Variants in PUS7L observed in about 807,000 individuals in gnomAD.
The protein encoded by PUS7L is pseudouridine synthase 7 like.
Under a neutral mutation model 51.1 loss-of-function variants are expected in PUS7L, and 49 were observed. The ratio of observed to expected loss-of-function variants is 0.96; its 90% CI spans 0.76 to 1.22. The LOEUF (loss-of-function observed/expected upper bound fraction) is 1.22. Ranked by LOEUF, PUS7L falls within the 50% of genes most tolerant of loss-of-function variation. PUS7L has a pLI of 0.00. For synonymous variants in PUS7L, 277 were observed against 276.2 expected, an observed-to-expected ratio of 1.00 and a Z score of -0.03; for missense variants, 828 against 820.6, an observed-to-expected ratio of 1.01 and a Z score of -0.11.
At chr12:43,730,752 C>A in intron 8 of PUS7L, 50 bp from the exon 9 acceptor site, 1 of 1,226,956 alleles carries the variant, frequency 8.2e-7, no homozygotes, top group African/African-American at 1.5e-5. Context: ...CAAAAAGATA[C>A]ATGATCATAT....
chr12:43,743,639 T>A (rs1287278509), intron 4 of PUS7L, among the ~76,000 whole-genome samples: 1 of 152,024 alleles, frequency 6.6e-6, no homozygotes, highest in East Asian at 1.9e-4. Context: ...GGCGGGCACC[T>A]GTAGTCCCAG....
Position 43,723,855 on chromosome 12 carries a change from T to C in PUS7L, c.*6521A>G, listed in dbSNP as rs1592152149. ...GCCCTAAACTTTAAACTAGTTATCC[T>C]AGCTGCCATTGGTGCCATTAAAATC... is the stretch of plus-strand genomic sequence containing the variant. On this transcript the variant is annotated 3_prime_UTR_variant, in exon 9 of 9. Transcript: ENST00000344862. The C allele has an allele frequency of 6.6e-6, 1 of 152,134 alleles. No homozygotes were observed. The highest frequency in any genetic ancestry group is 1.9e-4 in the East Asian group (1 of 5,204). The allele number at this position is 152,134 out of a possible 1,614,324, so 9.4% of individuals were successfully genotyped here. A position where few individuals can be genotyped will look rare whatever the true frequency, so the allele number is the denominator to read the frequency against.
rs748437502 is a variant in PUS7L at position 43,730,387 on chromosome 12, G to C, written c.2095C>G (p.His699Asp). 1 of 1,612,788 alleles carries C rather than the reference G, an allele frequency of 6.2e-7. No homozygotes were observed. Among genetic ancestry groups the C allele is most frequent in the Admixed American group, 1.7e-5 (1 of 59,944 alleles). The change falls in exon 9 of 9, where the codon CAT becomes GAT. Residue 699 changes from histidine to aspartate, a missense_variant. Transcript: ENST00000344862. Reference protein sequence around the residue: ...ATVCLKEIMKHDV With the variant: ...ATVCLKEIMKDDV ...CAAGGGTATCAGTTTTAAACGTCATGCTTCATTATTTCCTTCAGACAAACG... is the reference window on the plus strand; with the variant it reads ...CAAGGGTATCAGTTTTAAACGTCATCCTTCATTATTTCCTTCAGACAAACG...
At chr12:43,736,940 T>C (rs979132131) in intron 6 of PUS7L, among the ~76,000 whole-genome samples, 3 of 149,258 alleles carry the variant, frequency 2.0e-5, no homozygotes, top group African/African-American at 2.5e-5. Flanking sequence ...AGAGATAATC[T>C]AATGAAGTTA....
intron 2 of PUS7L, among the ~76,000 whole-genome samples, chr12:43,750,071 C>T (rs1938369906): frequency 6.6e-6 from 1 of 152,112 alleles, no homozygotes; most frequent in Admixed American, 6.6e-5. Context: ...AAATGTGTTC[C>T]TTCCATTTAT....
At position 43,738,661 on chromosome 12, in the gene PUS7L, AT is replaced by A. The variant is rs535288315; in HGVS notation, c.1363-271del. Among the ~76,000 whole-genome samples the A allele has an allele frequency of 3.1e-3, 473 of 152,096 alleles. 1 individual carries two copies. The highest frequency in any genetic ancestry group is 3.4e-3 in the Non-Finnish European group (231 of 67,956). Reference sequence around the variant, plus strand: ...TCACTTCCATAATTCTACTTTTGTCATTTTTTTTAAATATTAAAGTTAAAAT... The same window carrying A: ...TCACTTCCATAATTCTACTTTTGTCATTTTTTTAAATATTAAAGTTAAAAT... On this transcript the variant is annotated intron_variant, in intron 5 of 8. Coordinates refer to ENST00000344862, the MANE Select transcript of PUS7L (RefSeq NM_031292.5).
At position 43,754,338 on chromosome 12, in the gene PUS7L, G is replaced by A; in HGVS notation, c.908C>T (p.Thr303Ile). The A allele has an allele frequency of 6.4e-7, 1 of 1,557,590 alleles. No homozygotes were observed. Reference sequence around the variant, plus strand: ...TGGATGATGATTTATTAAATTACCTGTATATATAACTTTTCCTTCTTGGCA... The same window carrying A: ...TGGATGATGATTTATTAAATTACCTATATATATAACTTTTCCTTCTTGGCA... ...SECQEGKVIYTAFTLRKENLE... is the reference protein window; with the variant it reads ...SECQEGKVIYIAFTLRKENLE... The change falls in exon 2 of 9, where the codon ACA becomes ATA. Residue 303 changes from threonine to isoleucine, a missense_variant and splice_region_variant. Physicochemically the swap from Thr to Ile is moderately conservative, Grantham distance 89. Transcript: ENST00000344862.
At position 43,722,993 on chromosome 12, in the gene PUS7L, T is replaced by C. The variant is rs1204116566; in HGVS notation, c.*7383A>G. 3 of 152,150 alleles carry C rather than the reference T, an allele frequency of 2.0e-5. No individual in the cohort carries two copies. The highest frequency in any genetic ancestry group is 7.2e-5 in the African/African-American group (3 of 41,456). 9.4% of individuals were successfully genotyped at this position (152,150 alleles called of 1,614,324 possible). A position where few individuals can be genotyped will look rare whatever the true frequency, so the allele number is the denominator to read the frequency against. Reference sequence around the variant, plus strand: ...ATAACCAAATAGCTCTTGTTTTGACTCCATGGCTAAACTCCATCCTTGCAA... The same window carrying C: ...ATAACCAAATAGCTCTTGTTTTGACCCCATGGCTAAACTCCATCCTTGCAA... On this transcript the variant is annotated 3_prime_UTR_variant, in exon 9 of 9. Transcript: ENST00000344862.
At chr12:43,750,918 T>C (rs1938409881) in intron 2 of PUS7L, among the ~76,000 whole-genome samples, 2 of 152,198 alleles carry the variant, frequency 1.3e-5, no homozygotes, top group African/African-American at 2.4e-5. Context: ...CAAAGCTTTG[T>C]AGAGAAGAAG....
intron 4 of PUS7L, among the ~76,000 whole-genome samples, chr12:43,744,153 T>A (rs987956584): frequency 6.6e-6 from 1 of 152,180 alleles, no homozygotes; most frequent in African/African-American, 2.4e-5. Context: ...TTAAAGTATA[T>A]CATTTTAGTA....
chr12:43,730,751 A>G, intron 8 of PUS7L, 49 bp from the exon 9 acceptor site: 1 of 1,227,518 alleles, frequency 8.1e-7, no homozygotes, highest in Non-Finnish European at 1.2e-6. Flanking sequence ...TCAAAAAGAT[A>G]CATGATCATA....
chr12:43,741,821 T>C (rs1055323082), intron 5 of PUS7L, among the ~76,000 whole-genome samples: 1 of 152,202 alleles, frequency 6.6e-6, no homozygotes, highest in African/African-American at 2.4e-5. Context: ...CAAGAAATCA[T>C]ATTAGAACAC....
intron 2 of PUS7L, among the ~76,000 whole-genome samples, chr12:43,750,436 G>A (rs1938389324): frequency 6.6e-6 from 1 of 152,094 alleles, no homozygotes; most frequent in African/African-American, 2.4e-5. Flanking sequence ...ATTTAAGTTA[G>A]TAAGCAATAT....
At chr12:43,732,368 T>C (rs552489867) in intron 7 of PUS7L, among the ~76,000 whole-genome samples, 3 of 151,708 alleles carry the variant, frequency 2.0e-5, no homozygotes, top group East Asian at 3.9e-4. Context: ...GATCGCTTGA[T>C]CCCAGGAGCT....
In PUS7L at chr12:43,754,759, T is replaced by C. The variant is rs1430439430; in HGVS notation, c.487A>G (p.Ile163Val). ...TGGTTTTTGTCAAGGATTCTGCCTATTGAGAATTCAGGAGGTAGTCCAATT... is the reference window on the plus strand; with the variant it reads ...TGGTTTTTGTCAAGGATTCTGCCTACTGAGAATTCAGGAGGTAGTCCAATT... ...ELIGLPPEFS[I>V]GRILDKNQRA... The change falls in exon 2 of 9, where the codon ATA becomes GTA. Residue 163 changes from isoleucine (I) to valine (V), a missense_variant. Physicochemically the swap from Ile to Val is conservative, Grantham distance 29. Transcript: ENST00000344862. 3.1e-6 allele frequency: 5 copies of C among 1,613,900 alleles called. No individual in the cohort carries two copies. Among genetic ancestry groups the C allele is most frequent in the Non-Finnish European group, 4.2e-6 (5 of 1,179,930 alleles).
At position 43,729,442 on chromosome 12, in the gene PUS7L, C is replaced by T. The variant is rs1418496005; in HGVS notation, c.*934G>A. 2.7e-6 allele frequency: 1 copy of T among 368,310 alleles called. No homozygotes were observed. Among genetic ancestry groups the T allele is most frequent in the East Asian group, 3.8e-5 (1 of 26,408 alleles). 22.8% of individuals were successfully genotyped at this position (368,310 alleles called of 1,614,324 possible). On this transcript the variant is annotated 3_prime_UTR_variant, in exon 9 of 9. Transcript: ENST00000344862. ...ATACATGTCTACATGCCAGTCATTCCTCCCCAACACACCCATATTTAACTG... is the reference window on the plus strand; with the variant it reads ...ATACATGTCTACATGCCAGTCATTCTTCCCCAACACACCCATATTTAACTG...
In PUS7L at chr12:43,729,206, T is replaced by C. The variant is rs547884294; in HGVS notation, c.*1170A>G. ...GAAAACTGTTTTTAGTGTCTGTATA[T>C]GAAAATATTGCAATAAGCAAATTTT... On this transcript the variant is annotated 3_prime_UTR_variant, in exon 9 of 9. Transcript: ENST00000344862. 1.8e-5 allele frequency: 7 copies of C among 397,996 alleles called. No individual in the cohort carries two copies. The South Asian group carries it at 7.6e-4, about 43-fold the overall frequency. The allele number at this position is 397,996 out of a possible 1,614,324, so 24.7% of individuals were successfully genotyped here.
chr12:43,757,032 A>C (rs1938743538), intron 1 of PUS7L, among the ~76,000 whole-genome samples: 1 of 151,888 alleles, frequency 6.6e-6, no homozygotes, highest in African/African-American at 2.4e-5. Context: ...TACTCCAGCT[A>C]CTCTGGCCTT....
At chr12:43,756,747 C>T (rs999639615) in intron 1 of PUS7L, among the ~76,000 whole-genome samples, 1 of 152,190 alleles carries the variant, frequency 6.6e-6, no homozygotes, top group Non-Finnish European at 1.5e-5. Flanking sequence ...ATTCTTATGA[C>T]TCCCAATGTC....
Sources: gnomAD v4.1 joint callset for allele counts (sites outside exome capture counted in the v4.1 genomes callset) on GRCh38, gnomAD v4.1.1 for gene constraint, MANE v1.5 for transcripts, NCBI Gene and HGNC (gene_info 2026-07-23, HGNC 2026-07-21) for gene names.